The following KIF14 variants were observed in gnomAD, a reference collection of about 807,000 sequenced individuals.
KIF14 encodes kinesin-like protein KIF14.
KIF14 carries 98 observed loss-of-function variants against 176.2 expected under a neutral mutation model. The ratio of observed to expected loss-of-function variants is 0.56; its 90% confidence interval spans 0.47 to 0.66. KIF14 has a LOEUF of 0.66. Among genes scored for constraint, KIF14 ranks in the 30% least tolerant of loss-of-function variants. The pLI is 0.00. For synonymous variants in KIF14, 566 were observed against 632.2 expected (o/e 0.90, Z 1.57); for missense variants, 1,751 against 1,920.4 (o/e 0.91, Z 1.65).
chr1:200,586,213 A>G lies in KIF14; in HGVS notation c.3129T>C (p.His1043=). The G allele has an allele frequency of 7.5e-6, 12 of 1,597,780 alleles. No homozygotes were observed. The highest frequency in any genetic ancestry group is 1.0e-5 in the Non-Finnish European group (12 of 1,170,150). ...CCAGAATTCTTGCATGGCGGATGCT[A>G]TGGTCTTCTAAAGCCTAATTGATAT... ...TLATKQALED[H]SIRHARILEA... The change falls in exon 19 of 30, where the codon CAT becomes CAC. Residue 1043 remains histidine, a synonymous_variant. Transcript: ENST00000367350.
In KIF14 at chr1:200,565,647, A is replaced by T; in HGVS notation, c.3684T>A (p.Thr1228=). ...HSSGLMDKSS[T]IYSNSAESFL... ...AGGACTCTGCTGAATTTGAGTAAAT[A>T]GTGCTTGATTTGTCCATTAAACCTA... Residue 1228 remains threonine, a synonymous_variant, in exon 24 of 30, where the codon ACT becomes ACA. Transcript: ENST00000367350. The T allele has an allele frequency of 5.0e-6, 8 of 1,599,110 alleles. No individual in the cohort carries two copies. Among genetic ancestry groups the T allele is most frequent in the Non-Finnish European group, 6.8e-6 (8 of 1,176,694 alleles).
rs1660543746 is a variant in KIF14, at chr1:200,618,738, A to G, written c.-15T>C. 6.4e-7 allele frequency: 1 copy of G among 1,570,872 alleles called. No individual in the cohort carries two copies. The highest frequency in any genetic ancestry group is 8.6e-7 in the Non-Finnish European group (1 of 1,158,606). On this transcript the variant is annotated 5_prime_UTR_variant, in exon 2 of 30. Coordinates refer to ENST00000367350, the MANE Select transcript of KIF14 (RefSeq NM_014875.3). ...TGTAATGACATTTTGGCAGACAGTT[A>G]TTTTAAAAAAGAATGTTACTAAGAC...
At chr1:200,596,294 G>A (rs773953208) in intron 14 of KIF14, among the ~76,000 whole-genome samples, 3 of 152,078 alleles carry the variant, frequency 2.0e-5, no homozygotes, top group South Asian at 4.1e-4. Flanking sequence ...AAGTAATTAC[G>A]ACCATGGGGT....
In KIF14 at chr1:200,563,449, C is replaced by T. The variant is rs180751177; in HGVS notation, c.4071+1620G>A. Among the ~76,000 whole-genome samples, 262 of 152,182 alleles carry T rather than the reference C, an allele frequency of 1.7e-3. 2 individuals are homozygous for T. Among genetic ancestry groups the T allele is most frequent in the Non-Finnish European group, 2.6e-3 (175 of 67,992 alleles). On this transcript the variant is annotated intron_variant, in intron 25 of 29. Coordinates refer to ENST00000367350, the MANE Select transcript of KIF14 (RefSeq NM_014875.3). ...GTGCAATCATGGCTCACTGTAGCTT[C>T]GAACTCCTGGGCTCAAGCAATCCTC...
Position 200,586,102 on chromosome 1 carries a change from T to G in KIF14, c.3240A>C (p.Thr1080=). The change falls in exon 19 of 30, where the codon ACA becomes ACC. Residue 1080 remains threonine, a splice_region_variant and synonymous_variant. Transcript: ENST00000367350. Reference sequence around the variant, plus strand: ...TTGCTAAAATCAGCACACACTTACCTGTAAAAGTTTTATCCCTATTATTCC... The same window carrying G: ...TTGCTAAAATCAGCACACACTTACCGGTAAAAGTTTTATCCCTATTATTCC... ...QNRNNRDKTF[T]VQTTWSSMKL... is the part of the protein sequence containing the mutation. The G allele has an allele frequency of 1.3e-6, 2 of 1,547,426 alleles. No individual in the cohort carries two copies. Among genetic ancestry groups the G allele is most frequent in the Non-Finnish European group, 8.8e-7 (1 of 1,138,024 alleles).
chr1:200,564,260 C>CAAA lies in KIF14; in HGVS notation c.4071+806_4071+808dup, dbSNP rs57025286. Among the ~76,000 whole-genome samples, 424 of 66,270 alleles carry CAAA rather than the reference C, an allele frequency of 6.4e-3. 7 individuals carry two copies. The highest frequency in any genetic ancestry group is 0.019 in the African/African-American group (336 of 17,992). The allele number at this position is 66,270 out of a possible 152,430, so 43.5% of individuals were successfully genotyped here. On this transcript the variant is annotated intron_variant, in intron 25 of 29. Coordinates refer to ENST00000367350, the MANE Select transcript of KIF14 (RefSeq NM_014875.3). ...GGGTGACAAGAGTGAGACTCCAGCT[C>CAAA]AAAAAAAAAAAAAAAAAAAGGCAAA... is the stretch of plus-strand genomic sequence containing the variant.
At chr1:200,601,078 T>C (rs1659601611) in intron 11 of KIF14, among the ~76,000 whole-genome samples, 2 of 152,172 alleles carry the variant, frequency 1.3e-5, no homozygotes, top group Admixed American at 1.3e-4. Flanking sequence ...AGACAGGGTT[T>C]CCCCATGTTG....
intron 4 of KIF14, among the ~76,000 whole-genome samples, chr1:200,612,000 C>CT (rs79821962): frequency 0.37 from 55,179 of 148,528 alleles, 10,615 homozygotes; most frequent in African/African-American, 0.48. Context: ...AGTCCATGCT[C>CT]TTTTTTTTTT....
intron 10 of KIF14, among the ~76,000 whole-genome samples, chr1:200,602,831 T>C (rs1397599608): frequency 6.6e-6 from 1 of 152,210 alleles, no homozygotes; most frequent in East Asian, 1.9e-4. Context: ...AACTTCTCTT[T>C]ATACAACTAG....
chr1:200,590,374 C>A, intron 16 of KIF14, 102 bp from the exon 17 acceptor site: 1 of 1,034,422 alleles, frequency 9.7e-7, no homozygotes. Context: ...ATGAAAGTTT[C>A]AATCTTAAAA....
chr1:200,580,868 TGA>T (rs1658401190), intron 20 of KIF14, among the ~76,000 whole-genome samples: 1 of 151,996 alleles, frequency 6.6e-6, no homozygotes, highest in African/African-American at 2.4e-5. Flanking sequence ...CCCAGCACTT[TGA>T]GAGGCCAAGT....
chr1:200,557,952 G>C (rs61827013), intron 27 of KIF14, among the ~76,000 whole-genome samples: 5 of 152,114 alleles, frequency 3.3e-5, no homozygotes, highest in Non-Finnish European at 7.4e-5. Flanking sequence ...AATGGACAGG[G>C]GTGGTTTTTG....
intron 19 of KIF14, among the ~76,000 whole-genome samples, chr1:200,582,765 G>A (rs1435759320): frequency 6.6e-6 from 1 of 151,888 alleles, no homozygotes; most frequent in African/African-American, 2.4e-5. Context: ...CAGGAGAATT[G>A]CTTGAAAGCG....
chr1:200,600,952 G>A (rs1472243583), intron 11 of KIF14, among the ~76,000 whole-genome samples: 1 of 151,154 alleles, frequency 6.6e-6, no homozygotes, highest in East Asian at 2.0e-4. Flanking sequence ...GTACGATCTC[G>A]GCTCATTGCA....
intron 19 of KIF14, among the ~76,000 whole-genome samples, chr1:200,585,231 C>T (rs991516732): frequency 6.8e-5 from 10 of 146,890 alleles, no homozygotes; most frequent in Non-Finnish European, 1.5e-4. Flanking sequence ...TCCTAAGTGT[C>T]CTCATGACAA....
rs1282760618 is a variant in KIF14, at chr1:200,594,018, C to G, written c.2550-249G>C. ...CAATCTCAGCTCACTGCAAGCTCCACCTCCTGGGTTCAAGCAATTCTCCTG... is the reference window on the plus strand; with the variant it reads ...CAATCTCAGCTCACTGCAAGCTCCAGCTCCTGGGTTCAAGCAATTCTCCTG... On this transcript the variant is annotated intron_variant, in intron 14 of 29. Transcript: ENST00000367350. Among the ~76,000 whole-genome samples, 12 of 146,814 alleles carry G rather than the reference C, an allele frequency of 8.2e-5. No individual in the cohort carries two copies. The South Asian group carries it at 2.4e-3, about 30-fold the overall frequency.
chr1:200,603,560 C>T (rs1470279541), intron 9 of KIF14, among the ~76,000 whole-genome samples: 1 of 152,090 alleles, frequency 6.6e-6, no homozygotes, highest in African/African-American at 2.4e-5. Flanking sequence ...AATCCTCCCA[C>T]CTGAACCAAG....
intron 5 of KIF14, 49 bp from the exon 6 acceptor site, chr1:200,606,847 T>C (rs777004155): frequency 2.2e-6 from 3 of 1,391,062 alleles, no homozygotes; most frequent in East Asian, 4.6e-5. Flanking sequence ...AAATATTTCA[T>C]GTAACTTGAA....
At chr1:200,560,567 C>T (rs547762382) in intron 26 of KIF14, among the ~76,000 whole-genome samples, 155 bp downstream of exon 26, 2 of 152,328 alleles carry the variant, frequency 1.3e-5, no homozygotes, top group South Asian at 4.1e-4. Flanking sequence ...CCACCACACC[C>T]GGCCCAAACA....
Sources: allele counts gnomAD v4.1 joint callset (sites outside exome capture counted in the v4.1 genomes callset), GRCh38; gene constraint gnomAD v4.1.1; transcripts MANE v1.5; gene names NCBI Gene and HGNC (gene_info 2026-07-23, HGNC 2026-07-21).